TCERG1L: variants seen among roughly 807,000 people sequenced by gnomAD.
TCERG1L encodes transcription elongation regulator 1 like.
In TCERG1L, 37 loss-of-function variants were observed where a neutral mutation model predicts 56.3. That is an observed-to-expected ratio of 0.66 (90% confidence interval 0.51 to 0.87). The LOEUF (loss-of-function observed/expected upper bound fraction) is 0.87. TCERG1L is among the 40% of genes least tolerant of loss of function. The pLI is 0.00. For missense variants in TCERG1L, 799 were observed against 774.2 expected, an observed-to-expected ratio of 1.03 and a Z score of -0.38; for synonymous variants, 324 against 326.3, an observed-to-expected ratio of 0.99 and a Z score of 0.08.
chr10:131,098,271 C>T (rs1235205669), intron 11 of TCERG1L, 35 bp downstream of exon 11: 20 of 1,544,564 alleles, frequency 1.3e-5, no homozygotes, highest in Admixed American at 8.0e-5. Flanking sequence ...AGTTCCCAGC[C>T]CCAGAAATCA....
intron 4 of TCERG1L, among the ~76,000 whole-genome samples, chr10:131,241,865 C>T (rs974399624): frequency 7.3e-5 from 11 of 151,708 alleles, no homozygotes; most frequent in East Asian, 3.9e-4. Context: ...CGAGATAAAA[C>T]GGTCACAATT....
In TCERG1L at chr10:131,236,541, A is replaced by G. The variant is rs531089809; in HGVS notation, c.856+23718T>C. Among the ~76,000 whole-genome samples the G allele has an allele frequency of 1.7e-3, 260 of 152,296 alleles. 3 individuals carry two copies. The highest frequency in any genetic ancestry group is 3.0e-3 in the Admixed American group (46 of 15,300). ...TGAAGGTGAAGTTCCACATTCACCA[A>G]CGTCACTGAATCTTGTGGCACATCC... On this transcript the variant is annotated intron_variant, in intron 4 of 11. Coordinates refer to ENST00000368642, the MANE Select transcript of TCERG1L (RefSeq NM_174937.4).
chr10:131,165,414 G>A (rs1846020613), intron 5 of TCERG1L, among the ~76,000 whole-genome samples: 1 of 152,182 alleles, frequency 6.6e-6, no homozygotes, highest in South Asian at 2.1e-4. Context: ...GATTTGTAAT[G>A]TATATTATAA....
intron 8 of TCERG1L, among the ~76,000 whole-genome samples, chr10:131,133,105 G>C (rs1467693051): frequency 2.6e-5 from 4 of 152,172 alleles, no homozygotes; most frequent in African/African-American, 4.8e-5. Context: ...TTTTGTTCAT[G>C]GCTCCATCGG....
chr10:131,157,590 C>CA (rs1228012461), intron 6 of TCERG1L, among the ~76,000 whole-genome samples: 277 of 139,836 alleles, frequency 2.0e-3, no homozygotes, highest in Non-Finnish European at 3.3e-3. Context: ...AGCCAAATTA[C>CA]AAAAAAAAAA....
At chr10:131,255,937 G>A (rs927560436) in intron 4 of TCERG1L, among the ~76,000 whole-genome samples, 10 of 152,178 alleles carry the variant, frequency 6.6e-5, no homozygotes, top group African/African-American at 2.4e-4. Flanking sequence ...CTTATCATGC[G>A]TAACAAACTA....
intron 4 of TCERG1L, among the ~76,000 whole-genome samples, chr10:131,191,888 A>AAAAAAAAAAAAAAAAAAC (rs1845308182): frequency 7.3e-6 from 1 of 137,918 alleles, no homozygotes; most frequent in Non-Finnish European, 1.6e-5. Flanking sequence ...AAAAAAAAAA[A>AAAAAAAAAAAAAAAAAAC]AGAAAAAAAG....
intron 3 of TCERG1L, among the ~76,000 whole-genome samples, chr10:131,306,685 A>C (rs1277428716): frequency 1.3e-5 from 2 of 152,196 alleles, no homozygotes. Context: ...AAAAATTTAA[A>C]AAATAGATAC....
At chr10:131,184,066 T>C (rs1202421127) in intron 4 of TCERG1L, among the ~76,000 whole-genome samples, 1 of 152,210 alleles carries the variant, frequency 6.6e-6, no homozygotes, top group African/African-American at 2.4e-5. Flanking sequence ...AAGTGTCTAT[T>C]TCTTGGAAGC....
At chr10:131,142,230 A>T (rs1700882759) in intron 7 of TCERG1L, among the ~76,000 whole-genome samples, 1 of 152,216 alleles carries the variant, frequency 6.6e-6, no homozygotes, top group East Asian at 1.9e-4. Context: ...CCAGGTGGGC[A>T]GAGCCTCCCA....
At chr10:131,175,262 G>C (rs1281800812) in intron 4 of TCERG1L, among the ~76,000 whole-genome samples, 1 of 152,214 alleles carries the variant, frequency 6.6e-6, no homozygotes, top group Non-Finnish European at 1.5e-5. Flanking sequence ...AAGGAGTGGA[G>C]ATGACGGCAC....
At chr10:131,147,222 T>C (rs1428220940) in intron 6 of TCERG1L, among the ~76,000 whole-genome samples, 2 of 152,198 alleles carry the variant, frequency 1.3e-5, no homozygotes, top group South Asian at 2.1e-4. Flanking sequence ...GGAAGATTTG[T>C]ATTTTCATTT....
chr10:131,168,278 C>T (rs755829615), intron 4 of TCERG1L, among the ~76,000 whole-genome samples: 2 of 152,228 alleles, frequency 1.3e-5, no homozygotes, highest in Non-Finnish European at 2.9e-5. Context: ...CACTGGCACA[C>T]CCCACCTTCT....
chr10:131,260,152 G>C lies in TCERG1L; in HGVS notation c.856+107C>G. The C allele has an allele frequency of 8.1e-7, 1 of 1,238,120 alleles. No individual in the cohort carries two copies. Among genetic ancestry groups the C allele is most frequent in the Non-Finnish European group, 1.0e-6 (1 of 991,054 alleles). The allele number at this position is 1,238,120 out of a possible 1,614,324, so 76.7% of individuals were successfully genotyped here. A position where few individuals can be genotyped will look rare whatever the true frequency, so the allele number is the denominator to read the frequency against. Reference sequence around the variant, plus strand: ...GAATGTTTCCCTCAACCGGAGCCGGGCTTCAGGTCCCACAGCGCCTGGGCC... The same window carrying C: ...GAATGTTTCCCTCAACCGGAGCCGGCCTTCAGGTCCCACAGCGCCTGGGCC... On this transcript the variant is annotated intron_variant, in intron 4 of 11. Transcript: ENST00000368642. The surrounding 1 kb of genome is among the most constrained non-coding windows in gnomAD (Gnocchi z 5.8).
intron 4 of TCERG1L, among the ~76,000 whole-genome samples, chr10:131,193,438 G>A (rs1269521628): frequency 6.6e-6 from 1 of 152,178 alleles, no homozygotes; most frequent in East Asian, 1.9e-4. Flanking sequence ...GTCCGGAAGA[G>A]TTTTCCCCAG....
chr10:131,145,870 C>A (rs145111404), intron 7 of TCERG1L, among the ~76,000 whole-genome samples: 107 of 152,344 alleles, frequency 7.0e-4, no homozygotes, highest in African/African-American at 2.5e-3. Flanking sequence ...GCTTTCCCCA[C>A]GCAGCAGCTA....
intron 2 of TCERG1L, among the ~76,000 whole-genome samples, 160 bp from the exon 3 acceptor site, chr10:131,308,551 C>T (rs545711260): frequency 6.6e-6 from 1 of 152,230 alleles, no homozygotes; most frequent in African/African-American, 2.4e-5. Context: ...AAAGAAGTTC[C>T]ACAGGGCTTC....
chr10:131,164,127 AAAAAAAAAAAAAAAAAAG>A (rs1190542553), intron 5 of TCERG1L: 1 of 82,040 alleles, frequency 1.2e-5, no homozygotes, highest in Non-Finnish European at 2.9e-5. Flanking sequence ...ACTCTGTCTT[AAAAAAAAAAAAAAAAAAG>A]AAAAAAGAAA....
chr10:131,102,793 GACGTGATCC>G (rs1845316374), intron 10 of TCERG1L, among the ~76,000 whole-genome samples: 1 of 152,112 alleles, frequency 6.6e-6, no homozygotes, highest in African/African-American at 2.4e-5. Flanking sequence ...GCCCTTCTCA[GACGTGATCC>G]ACGGGCCACA....
Sources: allele counts gnomAD v4.1 joint callset (sites outside exome capture counted in the v4.1 genomes callset), GRCh38; gene constraint gnomAD v4.1.1; non-coding constraint Gnocchi (gnomAD v3.1); transcripts MANE v1.5; gene names NCBI Gene and HGNC (gene_info 2026-07-23, HGNC 2026-07-21).